Variants in GRIK1 observed in about 807,000 individuals in gnomAD.
GRIK1 encodes the protein glutamate receptor ionotropic, kainate 1.
A neutral mutation model predicts 105.7 loss-of-function variants in GRIK1; 69 were observed. The observed-to-expected ratio is 0.65, with a 90% CI of 0.54 to 0.80. The LOEUF (loss-of-function observed/expected upper bound fraction) is 0.80, where lower values mean the gene tolerates loss of function less well. GRIK1 is among the 30% of genes least tolerant of loss of function. The pLI is 0.00. For missense variants in GRIK1, 1,109 were observed against 1,167.3 expected (o/e 0.95, Z 0.73); for synonymous variants, 438 against 431.3 (o/e 1.02, Z -0.19).
chr21:29,906,181 C>T (rs1410180580), intron 1 of GRIK1, among the ~76,000 whole-genome samples: 1 of 152,118 alleles, frequency 6.6e-6, no homozygotes, highest in Non-Finnish European at 1.5e-5. Context: ...AATTTCAGCT[C>T]ATTTTATATA....
chr21:29,560,364 T>TCTTTCTTTTTCTTTCTTCCTTC (rs2090394814), intron 15 of GRIK1, among the ~76,000 whole-genome samples: 1 of 35,886 alleles, frequency 2.8e-5, no homozygotes, highest in African/African-American at 1.3e-4. Flanking sequence ...TCTTTTTCTT[T>TCTTTCTTTTTCTTTCTTCCTTC]CTTCCTTCCT....
chr21:29,928,072 A>G (rs1001379370), intron 1 of GRIK1, among the ~76,000 whole-genome samples: 3 of 152,138 alleles, frequency 2.0e-5, no homozygotes, highest in African/African-American at 7.2e-5. Context: ...GTCTTGGGCC[A>G]TACATAAAAT....
chr21:29,629,892 T>C (rs2062225364), intron 7 of GRIK1, among the ~76,000 whole-genome samples: 1 of 151,968 alleles, frequency 6.6e-6, no homozygotes, highest in Non-Finnish European at 1.5e-5. Flanking sequence ...AAGAGATGAG[T>C]AGACACAAGT....
At chr21:29,552,396 G>A (rs2090150103) in intron 16 of GRIK1, among the ~76,000 whole-genome samples, 1 of 152,096 alleles carries the variant, frequency 6.6e-6, no homozygotes, top group African/African-American at 2.4e-5. Context: ...TATGTCACCT[G>A]GTTGAGTTAG....
chr21:29,890,110 A>T (rs1171621863), intron 1 of GRIK1, among the ~76,000 whole-genome samples: 1 of 152,076 alleles, frequency 6.6e-6, no homozygotes, highest in African/African-American at 2.4e-5. Context: ...AATCATAAAT[A>T]TTTTTATGCA....
At chr21:29,754,086 G>A (rs1026198547) in intron 1 of GRIK1, among the ~76,000 whole-genome samples, 14 of 152,052 alleles carry the variant, frequency 9.2e-5, no homozygotes, top group African/African-American at 2.4e-4. Flanking sequence ...GCTTTGATAC[G>A]GTGACAACTC....
chr21:29,936,225 C>T (rs989115678), intron 1 of GRIK1, among the ~76,000 whole-genome samples: 19 of 152,244 alleles, frequency 1.2e-4, no homozygotes, highest in African/African-American at 4.6e-4. Flanking sequence ...TTCACCATGA[C>T]CTCTATAATT....
At chr21:29,621,348 G>A (rs1166014219) in intron 7 of GRIK1, among the ~76,000 whole-genome samples, 1 of 152,038 alleles carries the variant, frequency 6.6e-6, no homozygotes, top group Non-Finnish European at 1.5e-5. Context: ...CAGAAATCCT[G>A]CTATGTAACT....
rs187049387 is a variant in GRIK1, at chr21:29,783,271, C to A, written c.119-89208G>T. Among the ~76,000 whole-genome samples the A allele has an allele frequency of 3.3e-5, 5 of 151,492 alleles. No homozygotes were observed. In the East Asian group the frequency reaches 9.6e-4, roughly 29 times the overall value. On this transcript the variant is annotated intron_variant, in intron 1 of 17. Coordinates refer to ENST00000327783, the MANE Select transcript of GRIK1 (RefSeq NM_001330994.2). ...GTATTATTGTTATTTGTAAGACCTC[C>A]ATCAGGGCAAAAATAGTACCATTGA...
intron 1 of GRIK1, among the ~76,000 whole-genome samples, chr21:29,800,676 A>T (rs2066681905): frequency 6.6e-6 from 1 of 152,258 alleles, no homozygotes; most frequent in Non-Finnish European, 1.5e-5. Flanking sequence ...TAGGCTTTTG[A>T]TGAATACCTT....
chr21:29,728,379 A>G (rs1414300270), intron 1 of GRIK1, among the ~76,000 whole-genome samples: 1 of 152,182 alleles, frequency 6.6e-6, no homozygotes, highest in African/African-American at 2.4e-5. Flanking sequence ...GGTGAGAGGA[A>G]ACTTGACGTG....
At chr21:29,756,835 C>T (rs992988263) in intron 1 of GRIK1, among the ~76,000 whole-genome samples, 4 of 152,112 alleles carry the variant, frequency 2.6e-5, no homozygotes, top group East Asian at 3.9e-4. Context: ...AACCAGTGGC[C>T]GGGCGCGGTG....
Position 29,682,267 on chromosome 21 carries a change from G to C in GRIK1, c.544+7461C>G, listed in dbSNP as rs574085276. Among the ~76,000 whole-genome samples, 3 of 152,200 alleles carry C rather than the reference G, an allele frequency of 2.0e-5. No individual in the cohort carries two copies. In the South Asian group the frequency reaches 6.2e-4, roughly 32 times the overall value. ...GTGTTCAGTAGCCATTAACTTCTAT[G>C]TCCTTATGTTTTTCTTTTGCAGCCT... On this transcript the variant is annotated intron_variant, in intron 3 of 17. Coordinates refer to ENST00000327783, the MANE Select transcript of GRIK1 (RefSeq NM_001330994.2).
intron 1 of GRIK1, among the ~76,000 whole-genome samples, chr21:29,741,550 A>G (rs1014361499): frequency 2.6e-5 from 4 of 152,224 alleles, no homozygotes. Context: ...TACCTTTGGA[A>G]TTCTAGAACC....
intron 4 of GRIK1, among the ~76,000 whole-genome samples, chr21:29,667,828 C>T (rs961810846): frequency 1.3e-5 from 2 of 152,190 alleles, no homozygotes; most frequent in Non-Finnish European, 2.9e-5. Flanking sequence ...CTCAATCCTA[C>T]TATAGATTTA....
intron 1 of GRIK1, among the ~76,000 whole-genome samples, chr21:29,925,812 A>G (rs1030341730): frequency 6.6e-6 from 1 of 152,100 alleles, no homozygotes; most frequent in Non-Finnish European, 1.5e-5. Context: ...ATTTTTTATG[A>G]CGTTCTCAAA....
chr21:29,695,464 C>G (rs779197470), intron 1 of GRIK1, among the ~76,000 whole-genome samples: 2 of 145,086 alleles, frequency 1.4e-5, no homozygotes, highest in African/African-American at 2.6e-5. Context: ...ATCTATCTAT[C>G]TATCTATCTA....
intron 1 of GRIK1, among the ~76,000 whole-genome samples, chr21:29,856,178 A>C (rs1166593171): frequency 6.6e-6 from 1 of 152,054 alleles, no homozygotes; most frequent in Non-Finnish European, 1.5e-5. Flanking sequence ...AGTCATTCAG[A>C]GAGACTCTAT....
At chr21:29,808,160 T>C (rs2066914448) in intron 1 of GRIK1, among the ~76,000 whole-genome samples, 1 of 152,132 alleles carries the variant, frequency 6.6e-6, no homozygotes, top group Non-Finnish European at 1.5e-5. Flanking sequence ...GAGGGAAGTT[T>C]TGTTTTCAAG....
Sources: gnomAD v4.1 joint callset for allele counts (sites outside exome capture counted in the v4.1 genomes callset) on GRCh38, gnomAD v4.1.1 for gene constraint, MANE v1.5 for transcripts, NCBI Gene and HGNC (gene_info 2026-07-23, HGNC 2026-07-21) for gene names.